Variants in IGSF21 observed in about 807,000 individuals in gnomAD.
IGSF21 encodes the protein immunoglobulin superfamily member 21.
In IGSF21, 28 loss-of-function variants were observed where a neutral mutation model predicts 46.8. The ratio of observed to expected loss-of-function variants is 0.60; its 90% confidence interval spans 0.44 to 0.82. IGSF21 has a LOEUF of 0.82. IGSF21 is among the 40% of genes least tolerant of loss of function. The probability of loss-of-function intolerance (pLI) is 0.00; values close to 1 mark genes in which losing one functional copy is unlikely to be tolerated. For synonymous variants in IGSF21, 284 were observed against 273.6 expected, an observed-to-expected ratio of 1.04 and a Z score of -0.38; for missense variants, 624 against 665.5, an observed-to-expected ratio of 0.94 and a Z score of 0.69.
chr1:18,208,969 C>T (rs4920308), intron 1 of IGSF21, among the ~76,000 whole-genome samples: 27,148 of 151,994 alleles, frequency 0.18, 3,136 homozygotes, highest in East Asian at 0.43. Flanking sequence ...AAAAGCAAAG[C>T]TAATCTATAT....
At chr1:18,162,576 T>C (rs1158136025) in intron 1 of IGSF21, among the ~76,000 whole-genome samples, 1 of 152,172 alleles carries the variant, frequency 6.6e-6, no homozygotes, top group African/African-American at 2.4e-5. Flanking sequence ...CCGTTGTAAG[T>C]GTTCTGAGCA....
rs558529266 is a variant in IGSF21 at position 18,183,050 on chromosome 1, T to G, written c.71-44848T>G. ...AAGCCACCCTGCCCCCTCCTGGGCC[T>G]GGCTGCCCTCGCCTCTGTAATATCC... is the stretch of plus-strand genomic sequence containing the variant. On this transcript the variant is annotated intron_variant, in intron 1 of 9. Transcript: ENST00000251296. 3.3e-5 allele frequency among the ~76,000 whole-genome samples: 5 copies of G among 152,292 alleles called. No individual in the cohort carries two copies. In the South Asian group the frequency reaches 8.3e-4, roughly 25 times the overall value.
intron 1 of IGSF21, among the ~76,000 whole-genome samples, chr1:18,226,338 G>A (rs1438700180): frequency 1.3e-5 from 2 of 152,284 alleles, no homozygotes; most frequent in East Asian, 3.9e-4. Flanking sequence ...CAATGCCTGG[G>A]TCTCTGCTTC....
chr1:18,300,009 G>A (rs2085345962), intron 3 of IGSF21, among the ~76,000 whole-genome samples: 1 of 152,120 alleles, frequency 6.6e-6, no homozygotes, highest in Non-Finnish European at 1.5e-5. Flanking sequence ...AGGATCACTT[G>A]AGCTCAGGAG....
chr1:18,118,711 G>A (rs1221861068), intron 1 of IGSF21, among the ~76,000 whole-genome samples: 1 of 152,252 alleles, frequency 6.6e-6, no homozygotes, highest in Middle Eastern at 3.4e-3. Flanking sequence ...CAATTCCTAG[G>A]GCCTGTTGCC....
chr1:18,365,224 T>C lies in IGSF21; in HGVS notation c.542T>C (p.Val181Ala). The change falls in exon 6 of 10, where the codon GTT (valine) becomes GCT (alanine). Residue 181 changes from valine (V) to alanine (A), a missense_variant and splice_region_variant. Coordinates refer to ENST00000251296, the MANE Select transcript of IGSF21 (RefSeq NM_032880.5). This position sits in a 1 kb window ranked among gnomAD's most constrained non-coding sequence, Gnocchi z 4.8. The part of the protein sequence containing the change: ...IVSGGKPAPM[V>A]YFKRDGEPID... The stretch of plus-strand genomic sequence containing the variant: ...CCCACACCCTCCTTACAATGGCAGG[T>C]TTATTTCAAACGAGATGGGGAACCA... 1 of 1,586,102 alleles carries C rather than the reference T, an allele frequency of 6.3e-7. No homozygotes were observed. Among genetic ancestry groups the C allele is most frequent in the Non-Finnish European group, 8.6e-7 (1 of 1,163,902 alleles).
intron 4 of IGSF21, among the ~76,000 whole-genome samples, chr1:18,352,318 G>A (rs2085966309): frequency 6.6e-6 from 1 of 152,134 alleles, no homozygotes; most frequent in Non-Finnish European, 1.5e-5. Flanking sequence ...ACCAACTGAA[G>A]CTTACATAGA....
chr1:18,265,149 G>T (rs1291211561), intron 2 of IGSF21, among the ~76,000 whole-genome samples: 1 of 152,210 alleles, frequency 6.6e-6, no homozygotes, highest in Non-Finnish European at 1.5e-5. Flanking sequence ...TGACTTGGTG[G>T]CAAAACCCAG....
At chr1:18,356,303 G>A (rs879138968) in intron 4 of IGSF21, among the ~76,000 whole-genome samples, 6 of 152,266 alleles carry the variant, frequency 3.9e-5, no homozygotes, top group Admixed American at 3.9e-4. Flanking sequence ...ACCCCAGAGA[G>A]CATTGCACTG....
intron 2 of IGSF21, among the ~76,000 whole-genome samples, chr1:18,238,938 C>T (rs1230552788): frequency 6.6e-6 from 1 of 152,168 alleles, no homozygotes; most frequent in Non-Finnish European, 1.5e-5. Flanking sequence ...TCCCACCTTG[C>T]GGTCAACCTC....
chr1:18,275,716 T>A (rs1281006443), intron 2 of IGSF21, among the ~76,000 whole-genome samples: 1 of 152,142 alleles, frequency 6.6e-6, no homozygotes, highest in East Asian at 1.9e-4. Flanking sequence ...GTCTGTGTCA[T>A]CTGCCCTTCC....
chr1:18,173,422 G>A (rs752974544), intron 1 of IGSF21, among the ~76,000 whole-genome samples: 11 of 152,228 alleles, frequency 7.2e-5, no homozygotes, highest in Non-Finnish European at 1.0e-4. Flanking sequence ...ACCACAGTCA[G>A]GATATAGAAT....
chr1:18,256,879 A>T (rs1221427484), intron 2 of IGSF21, among the ~76,000 whole-genome samples: 1 of 152,128 alleles, frequency 6.6e-6, no homozygotes, highest in Non-Finnish European at 1.5e-5. Flanking sequence ...CCCCTTTCCT[A>T]AAACCCTGGC....
Position 18,357,008 on chromosome 1 carries a change from G to A in IGSF21, c.425-5107G>A, listed in dbSNP as rs2086025792. ...TGAGAATGGAGATGGAGTGGAGATG[G>A]GGATAGAAATAGGAATGGAGATGAG... is the stretch of plus-strand genomic sequence containing the variant. On this transcript the variant is annotated intron_variant, in intron 4 of 9. Transcript: ENST00000251296. 2.0e-5 allele frequency among the ~76,000 whole-genome samples: 3 copies of A among 151,816 alleles called. No individual in the cohort carries two copies. The South Asian group carries it at 6.3e-4, about 32-fold the overall frequency.
At chr1:18,262,115 T>A (rs2124537520) in intron 2 of IGSF21, among the ~76,000 whole-genome samples, 1 of 152,230 alleles carries the variant, frequency 6.6e-6, no homozygotes, top group Admixed American at 6.5e-5. Context: ...TACAGCAAAC[T>A]CCCAGGTGCT....
intron 4 of IGSF21, among the ~76,000 whole-genome samples, chr1:18,349,320 G>T (rs1006245480): frequency 2.0e-5 from 3 of 152,096 alleles, no homozygotes; most frequent in African/African-American, 4.8e-5. Context: ...AGAGAGAAGG[G>T]CACAGGTTTC....
intron 2 of IGSF21, among the ~76,000 whole-genome samples, chr1:18,240,241 G>A (rs754996998): frequency 1.3e-5 from 2 of 152,160 alleles, no homozygotes; most frequent in Non-Finnish European, 2.9e-5. Context: ...TGATTGCACC[G>A]CTGCACTCCA....
chr1:18,305,202 G>GGATGGATA (rs932785249), intron 3 of IGSF21, among the ~76,000 whole-genome samples: 13 of 151,820 alleles, frequency 8.6e-5, no homozygotes, highest in African/African-American at 2.9e-4. Flanking sequence ...ATGGATGGAT[G>GGATGGATA]GATGAATGGA....
chr1:18,174,680 C>G (rs1220998642), intron 1 of IGSF21, among the ~76,000 whole-genome samples: 2 of 152,320 alleles, frequency 1.3e-5, no homozygotes, highest in East Asian at 1.9e-4. Flanking sequence ...ATCGCCTTCT[C>G]CCCCCAGGGA....
Sources: gnomAD v4.1 joint callset for allele counts (sites outside exome capture counted in the v4.1 genomes callset) on GRCh38, gnomAD v4.1.1 for gene constraint, Gnocchi (gnomAD v3.1) non-coding constraint, MANE v1.5 for transcripts, NCBI Gene and HGNC (gene_info 2026-07-23, HGNC 2026-07-21) for gene names.